The following SWT1 variants were observed in gnomAD, a reference collection of about 807,000 sequenced individuals.
SWT1 encodes transcriptional protein SWT1.
SWT1 carries 33 observed loss-of-function variants against 107.3 expected under a neutral mutation model. The ratio of observed to expected loss-of-function variants is 0.31; its 90% CI spans 0.23 to 0.41. SWT1 has a LOEUF of 0.41. Ranked by LOEUF, SWT1 falls within the 10% of genes least tolerant of loss-of-function variation. The pLI, the probability that SWT1 is intolerant of heterozygous loss-of-function variation, is 1.00. For missense variants in SWT1, 898 were observed against 1,028.9 expected (o/e 0.87, Z 1.74); for synonymous variants, 345 against 348.3 (o/e 0.99, Z 0.11).
intron 13 of SWT1, 30 bp from the exon 14 acceptor site, chr1:185,214,477 T>C (rs766693996): frequency 5.8e-6 from 9 of 1,559,392 alleles, no homozygotes; most frequent in Non-Finnish European, 7.9e-6. Context: ...CATTCTTCCA[T>C]ATTTTTCTGT....
intron 18 of SWT1, among the ~76,000 whole-genome samples, chr1:185,282,279 C>T (rs541850375): frequency 5.3e-5 from 8 of 152,168 alleles, no homozygotes; most frequent in African/African-American, 1.9e-4. Context: ...AAAAACCACA[C>T]CACATTTTGG....
At chr1:185,235,550 A>G (rs1442452031) in intron 16 of SWT1, among the ~76,000 whole-genome samples, 1 of 152,220 alleles carries the variant, frequency 6.6e-6, no homozygotes, top group Non-Finnish European at 1.5e-5. Flanking sequence ...CTCGGTATTG[A>G]TACAATGTAT....
At chr1:185,238,817 C>A (rs1661068595) in intron 16 of SWT1, among the ~76,000 whole-genome samples, 2 of 151,606 alleles carry the variant, frequency 1.3e-5, no homozygotes, top group Admixed American at 1.3e-4. Context: ...TAAAATCTTT[C>A]AAGAAACAAA....
intron 4 of SWT1, among the ~76,000 whole-genome samples, chr1:185,172,841 C>T (rs958548459): frequency 4.6e-5 from 7 of 151,950 alleles, no homozygotes; most frequent in South Asian, 4.2e-4. Flanking sequence ...GAGGTCAAAT[C>T]GAGACCATCC....
chr1:185,179,040 G>A (rs569045154), intron 5 of SWT1, among the ~76,000 whole-genome samples: 1 of 152,338 alleles, frequency 6.6e-6, no homozygotes, highest in East Asian at 1.9e-4. Context: ...GGAGGCTGAG[G>A]TGGGCAGATC....
At chr1:185,229,728 A>G (rs1411457290) in intron 15 of SWT1, among the ~76,000 whole-genome samples, 2 of 152,108 alleles carry the variant, frequency 1.3e-5, no homozygotes, top group Admixed American at 6.6e-5. Context: ...TGGTTGGTAG[A>G]CTGTGGGTAT....
chr1:185,244,907 A>G (rs1452846879), intron 16 of SWT1, among the ~76,000 whole-genome samples: 1 of 152,016 alleles, frequency 6.6e-6, no homozygotes, highest in African/African-American at 2.4e-5. Context: ...ATAGTGAGAC[A>G]CCGTCTCTGC....
intron 2 of SWT1, among the ~76,000 whole-genome samples, chr1:185,164,909 A>G (rs1654447966): frequency 6.6e-6 from 1 of 152,156 alleles, no homozygotes; most frequent in Non-Finnish European, 1.5e-5. Flanking sequence ...ACTTGTCTTA[A>G]TTGTTTGGCA....
intron 16 of SWT1, among the ~76,000 whole-genome samples, chr1:185,255,157 A>G (rs1441645218): frequency 6.6e-6 from 1 of 151,956 alleles, no homozygotes. Context: ...GTTTGTTATA[A>G]TTTCTGTTCT....
intron 9 of SWT1, among the ~76,000 whole-genome samples, chr1:185,186,724 T>G (rs1369546303): frequency 6.6e-6 from 1 of 152,144 alleles, no homozygotes; most frequent in Non-Finnish European, 1.5e-5. Context: ...TTTAATTTTC[T>G]TTATATTTTC....
At chr1:185,173,210 T>A (rs1655236294) in intron 4 of SWT1, among the ~76,000 whole-genome samples, 2 of 152,178 alleles carry the variant, frequency 1.3e-5, no homozygotes, top group South Asian at 4.1e-4. Flanking sequence ...GTGAGCTTTT[T>A]ATCTACTAAG....
At chr1:185,226,290 A>G (rs1023372260) in intron 15 of SWT1, among the ~76,000 whole-genome samples, 3 of 152,170 alleles carry the variant, frequency 2.0e-5, no homozygotes, top group Admixed American at 1.3e-4. Context: ...ATTAATACAT[A>G]TTTATTTAGG....
At chr1:185,193,869 G>A (rs528294509) in intron 10 of SWT1, among the ~76,000 whole-genome samples, 9 of 152,248 alleles carry the variant, frequency 5.9e-5, no homozygotes, top group East Asian at 3.9e-4. Flanking sequence ...GTTTTGCTTC[G>A]TGTATTGTGA....
chr1:185,250,469 A>G (rs941195291), intron 16 of SWT1, among the ~76,000 whole-genome samples: 5 of 152,164 alleles, frequency 3.3e-5, no homozygotes, highest in Non-Finnish European at 5.9e-5. Context: ...TAAGTGAAGA[A>G]AATTTTGGAA....
intron 15 of SWT1, among the ~76,000 whole-genome samples, chr1:185,223,465 G>A (rs985887466): frequency 2.0e-5 from 3 of 152,066 alleles, no homozygotes; most frequent in African/African-American, 7.2e-5. Flanking sequence ...ACAGGTGTGA[G>A]CCACCGCACC....
intron 7 of SWT1, 53 bp from the exon 8 acceptor site, chr1:185,184,190 C>T (rs1012470610): frequency 5.7e-6 from 5 of 883,848 alleles, no homozygotes; most frequent in Admixed American, 2.7e-5. Context: ...AAATTTTAGT[C>T]ATTATATAAG....
At chr1:185,220,395 A>C (rs1030812270) in intron 14 of SWT1, among the ~76,000 whole-genome samples, 1 of 151,604 alleles carries the variant, frequency 6.6e-6, no homozygotes, top group Admixed American at 6.6e-5. Flanking sequence ...TCTCTTTCTT[A>C]TTCTTCTTCT....
intron 16 of SWT1, among the ~76,000 whole-genome samples, chr1:185,255,070 T>G (rs975381564): frequency 2.0e-5 from 3 of 152,192 alleles, no homozygotes; most frequent in Non-Finnish European, 4.4e-5. Context: ...GTTGTTCAGT[T>G]TCCATGTAGT....
intron 2 of SWT1, among the ~76,000 whole-genome samples, chr1:185,163,818 G>A (rs531699871): frequency 2.0e-5 from 3 of 152,210 alleles, no homozygotes; most frequent in African/African-American, 7.2e-5. Context: ...TCATTCATGA[G>A]GTTTGGAATC....
Sources: gnomAD v4.1 joint callset for allele counts (sites outside exome capture counted in the v4.1 genomes callset) on GRCh38, gnomAD v4.1.1 for gene constraint, MANE v1.5 for transcripts, NCBI Gene and HGNC (gene_info 2026-07-23, HGNC 2026-07-21) for gene names.